JMY: variants seen among roughly 807,000 people sequenced by gnomAD.
JMY encodes the protein junction mediating and regulatory protein, p53 cofactor.
JMY carries 46 observed loss-of-function variants against 103.3 expected under a neutral mutation model. The ratio of observed to expected loss-of-function variants is 0.45; its 90% CI spans 0.35 to 0.57. The LOEUF is 0.57. JMY is among the 20% of genes least tolerant of loss of function. The probability of loss-of-function intolerance (pLI) is 0.00; values close to 1 mark genes in which losing one functional copy is unlikely to be tolerated. For missense variants in JMY, 1,238 were observed against 1,255.2 expected, an observed-to-expected ratio of 0.99 and a Z score of 0.21; for synonymous variants, 526 against 489.3, an observed-to-expected ratio of 1.07 and a Z score of -0.99.
intron 6 of JMY, among the ~76,000 whole-genome samples, chr5:79,304,218 G>GT (rs1210954892): frequency 4.6e-5 from 7 of 152,162 alleles, no homozygotes; most frequent in African/African-American, 1.7e-4. Context: ...GAGGGAAGGA[G>GT]TAGTGAAATA....
chr5:79,323,066 C>CT lies in JMY; in HGVS notation c.*1471dup, dbSNP rs974248155. The CT allele has an allele frequency of 6.6e-6, 1 of 151,718 alleles. No homozygotes were observed. The highest frequency in any genetic ancestry group is 1.5e-5 in the Non-Finnish European group (1 of 67,934). 9.4% of individuals were successfully genotyped at this position (151,718 alleles called of 1,614,324 possible). On this transcript the variant is annotated 3_prime_UTR_variant, in exon 11 of 11. Coordinates refer to ENST00000396137, the MANE Select transcript of JMY (RefSeq NM_152405.5). ...GGCAACAGGTTATGTAAGACAACAA[C>CT]TTTTTTTATTATTTCAAAACAAAAC...
At chr5:79,281,835 A>G (rs181908521) in intron 2 of JMY, among the ~76,000 whole-genome samples, 123 of 152,342 alleles carry the variant, frequency 8.1e-4, no homozygotes, top group Non-Finnish European at 1.5e-3. Context: ...AAATTAAGCC[A>G]TAGTAAAATT....
rs1202877037 is a variant in JMY at position 79,236,911 on chromosome 5, G to C, written c.261G>C (p.Arg87Ser). 31 of 1,359,080 alleles carry C rather than the reference G, an allele frequency of 2.3e-5. No individual in the cohort carries two copies. Among genetic ancestry groups the C allele is most frequent in the Non-Finnish European group, 2.9e-5 (31 of 1,060,948 alleles). 84.2% of individuals were successfully genotyped at this position (1,359,080 alleles called of 1,614,324 possible). Reference sequence around the variant, plus strand: ...GCGGGCCCGGCAGCCCGGCGGGCAGGGGTCGGCCCGAGGCCACTGCCTCTG... The same window carrying C: ...GCGGGCCCGGCAGCCCGGCGGGCAGCGGTCGGCCCGAGGCCACTGCCTCTG... ...GSRGPGSPAG[R>S]GRPEATASAT... Residue 87 changes from arginine (R) to serine (S), a missense_variant, in exon 1 of 11, where the codon AGG (arginine) becomes AGC (serine). By Grantham distance (110) the Arg-to-Ser change is moderately radical. Coordinates refer to ENST00000396137, the MANE Select transcript of JMY (RefSeq NM_152405.5).
At chr5:79,269,511 A>G (rs1184177823) in intron 1 of JMY, among the ~76,000 whole-genome samples, 5 of 152,232 alleles carry the variant, frequency 3.3e-5, no homozygotes, top group East Asian at 1.9e-4. Flanking sequence ...CATTGAATTT[A>G]TAGATCAAGT....
At chr5:79,313,757 A>G (rs751622824) in intron 8 of JMY, among the ~76,000 whole-genome samples, 3 of 152,206 alleles carry the variant, frequency 2.0e-5, no homozygotes, top group African/African-American at 7.2e-5. Context: ...TGAATTATCA[A>G]TCGTGGATTT....
intron 2 of JMY, among the ~76,000 whole-genome samples, chr5:79,281,704 C>T (rs1017270436): frequency 6.6e-5 from 10 of 151,902 alleles, no homozygotes; most frequent in Non-Finnish European, 1.5e-5. Context: ...AAAAGGGGCA[C>T]GAAGAATCTT....
chr5:79,280,567 A>G (rs148149106), intron 2 of JMY, among the ~76,000 whole-genome samples: 6 of 152,256 alleles, frequency 3.9e-5, no homozygotes, highest in African/African-American at 1.4e-4. Flanking sequence ...CTATTCTTTT[A>G]TTCTTGATCC....
intron 1 of JMY, among the ~76,000 whole-genome samples, chr5:79,252,488 A>G (rs1444849214): frequency 6.6e-6 from 1 of 152,172 alleles, no homozygotes; most frequent in Non-Finnish European, 1.5e-5. Flanking sequence ...TGTTTGACCT[A>G]TGATGCAAAT....
intron 6 of JMY, among the ~76,000 whole-genome samples, chr5:79,304,812 A>G (rs902660327): frequency 2.0e-5 from 3 of 152,202 alleles, no homozygotes; most frequent in African/African-American, 7.2e-5. Context: ...ATTTCAAAAC[A>G]TGTCTGACCT....
chr5:79,313,108 T>TG (rs1215831251), intron 8 of JMY, among the ~76,000 whole-genome samples: 1 of 151,856 alleles, frequency 6.6e-6, no homozygotes, highest in Admixed American at 6.6e-5. Flanking sequence ...AGTGTTACAG[T>TG]GGAAAAAAAG....
At chr5:79,250,920 AAAAC>A (rs1264394206) in intron 1 of JMY, among the ~76,000 whole-genome samples, 1 of 152,098 alleles carries the variant, frequency 6.6e-6, no homozygotes, top group Admixed American at 6.6e-5. Context: ...TCTATGGTAA[AAAAC>A]AAAGTTAAAT....
intron 2 of JMY, among the ~76,000 whole-genome samples, chr5:79,279,703 T>C (rs1023445898): frequency 6.6e-6 from 1 of 152,204 alleles, no homozygotes; most frequent in Non-Finnish European, 1.5e-5. Flanking sequence ...ATCAATACTT[T>C]TGGAAAATAG....
At chr5:79,237,718 T>G (rs774045311) in intron 1 of JMY, 36 bp downstream of exon 1, 1 of 1,563,872 alleles carries the variant, frequency 6.4e-7, no homozygotes, top group Admixed American at 1.9e-5. Flanking sequence ...GCTCTACTGG[T>G]CGCTTTTGGT....
intron 1 of JMY, among the ~76,000 whole-genome samples, chr5:79,272,985 C>G (rs995472730): frequency 6.6e-6 from 1 of 152,126 alleles, no homozygotes; most frequent in Non-Finnish European, 1.5e-5. Flanking sequence ...CATCTCTAAC[C>G]CTGTTCTTTA....
chr5:79,283,230 C>T (rs1746174503), intron 2 of JMY, among the ~76,000 whole-genome samples: 1 of 151,906 alleles, frequency 6.6e-6, no homozygotes, highest in Non-Finnish European at 1.5e-5. Flanking sequence ...CTCAGGTGAT[C>T]CACCCGCCTC....
intron 1 of JMY, among the ~76,000 whole-genome samples, chr5:79,271,520 T>A (rs1025753835): frequency 6.6e-6 from 1 of 152,130 alleles, no homozygotes; most frequent in Non-Finnish European, 1.5e-5. Context: ...ATGCATTCTG[T>A]TTTGGAAGGG....
At chr5:79,246,708 CT>C (rs1744915248) in intron 1 of JMY, among the ~76,000 whole-genome samples, 2 of 152,104 alleles carry the variant, frequency 1.3e-5, no homozygotes, top group Admixed American at 6.6e-5. Context: ...TGGTAAAACC[CT>C]GTCTCTACTA....
chr5:79,236,571 G>C lies in JMY; in HGVS notation c.-80G>C, dbSNP rs1744505792. 1 of 1,163,816 alleles carries C rather than the reference G, an allele frequency of 8.6e-7. No homozygotes were observed. The highest frequency in any genetic ancestry group is 1.1e-6 in the Non-Finnish European group (1 of 903,090). 72.1% of individuals were successfully genotyped at this position (1,163,816 alleles called of 1,614,324 possible). On this transcript the variant is annotated 5_prime_UTR_variant, in exon 1 of 11. Coordinates refer to ENST00000396137, the MANE Select transcript of JMY (RefSeq NM_152405.5). ...GAAGGCGCCCGGCGAGGGTGAGCGG[G>C]GGGCGCGGCGCAGCCAGCGGGGAGT...
At position 79,267,255 on chromosome 5, in the gene JMY, C is replaced by G. The variant is rs1031147036; in HGVS notation, c.1033-10655C>G. On this transcript the variant is annotated intron_variant, in intron 1 of 10. Coordinates refer to ENST00000396137, the MANE Select transcript of JMY (RefSeq NM_152405.5). ...TTCCTTTTTTATAAAATGTAGAACC[C>G]TAGAGTTTCTATGTTTTGACAAATG... Among the ~76,000 whole-genome samples, 10 of 152,076 alleles carry G rather than the reference C, an allele frequency of 6.6e-5. 1 individual carries two copies. Among genetic ancestry groups the G allele is most frequent in the Non-Finnish European group, 1.3e-4 (9 of 68,004 alleles).
Sources: gnomAD v4.1 joint callset for allele counts (sites outside exome capture counted in the v4.1 genomes callset) on GRCh38, gnomAD v4.1.1 for gene constraint, MANE v1.5 for transcripts, NCBI Gene and HGNC (gene_info 2026-07-23, HGNC 2026-07-21) for gene names.